H3-3A: variants seen among roughly 807,000 people sequenced by gnomAD.
The protein encoded by H3-3A is histone H3.3.
For missense variants in H3-3A, 7 were observed against 184.0 expected (o/e 0.04, Z 5.57); for synonymous variants, 49 against 61.4 (o/e 0.80, Z 0.95).
At chr1:226,065,603 C>A in intron 2 of H3-3A, 53 bp from the exon 3 acceptor site, 1 of 1,361,982 alleles carries the variant, frequency 7.3e-7, no homozygotes, top group South Asian at 1.5e-5. Flanking sequence ...GCCCACTTAC[C>A]TTTTTGTGCT....
chr1:226,062,273 G>A (rs1657733222), upstream of H3-3A, among the ~76,000 whole-genome samples: 1 of 150,022 alleles, frequency 6.7e-6, no homozygotes, highest in East Asian at 2.0e-4. Flanking sequence ...CCTCCCCGCC[G>A]CGGCCCGAGA....
chr1:226,066,039 A>G (rs185624405), intron 3 of H3-3A: 3 of 520,438 alleles, frequency 5.8e-6, no homozygotes, highest in Admixed American at 6.7e-5. Context: ...TGCACATTCC[A>G]TTATACCATT....
chr1:226,064,537 T>C, intron 2 of H3-3A, 58 bp downstream of exon 2: 1 of 1,425,008 alleles, frequency 7.0e-7, no homozygotes, highest in East Asian at 2.3e-5. Flanking sequence ...TCCACATAAT[T>C]TAACAAAAAG....
intron 3 of H3-3A, 75 bp from the exon 4 acceptor site, chr1:226,071,273 TTTG>T: frequency 8.3e-7 from 1 of 1,198,298 alleles, no homozygotes; most frequent in Non-Finnish European, 1.2e-6. Flanking sequence ...CAAAAACCTT[TTTG>T]TTTTAATTCG....
In H3-3A at chr1:226,064,186, A is replaced by G. The variant is rs1657843006; in HGVS notation, c.-23-143A>G. Reference sequence around the variant, plus strand: ...GAGATTTTGGGTAGACGTAATCTTCACCCTTTCAAATTATATAACAATACG... The same window carrying G: ...GAGATTTTGGGTAGACGTAATCTTCGCCCTTTCAAATTATATAACAATACG... On this transcript the variant is annotated intron_variant, in intron 1 of 3. Transcript: ENST00000366815. 6 of 598,156 alleles carry G rather than the reference A, an allele frequency of 1.0e-5. No homozygotes were observed. The South Asian group carries it at 1.4e-4, about 14-fold the overall frequency. 37.1% of individuals were successfully genotyped at this position (598,156 alleles called of 1,614,324 possible).
Position 226,064,405 on chromosome 1 carries a change from G to A in H3-3A, c.54G>A (p.Arg18=), listed in dbSNP as rs2102735583. 1.2e-6 allele frequency: 2 copies of A among 1,611,484 alleles called. No individual in the cohort carries two copies. The change falls in exon 2 of 4, where the codon AGG becomes AGA. Residue 18 remains arginine (R), a synonymous_variant. Coordinates refer to ENST00000366815, the MANE Select transcript of H3-3A (RefSeq NM_002107.7). The stretch of plus-strand genomic sequence containing the variant: ...AATCGACCGGTGGTAAAGCACCCAG[G>A]AAGCAACTGGCTACAAAAGCCGCTC... The part of the protein sequence containing the change: ...ARKSTGGKAP[R]KQLATKAARK...
rs554527957 is a variant in H3-3A at position 226,065,311 on chromosome 1, G to A, written c.129-345G>A. Among the ~76,000 whole-genome samples the A allele has an allele frequency of 2.0e-5, 3 of 152,106 alleles. No individual in the cohort carries two copies. The South Asian group carries it at 6.2e-4, about 32-fold the overall frequency. On this transcript the variant is annotated intron_variant, in intron 2 of 3. Coordinates refer to ENST00000366815, the MANE Select transcript of H3-3A (RefSeq NM_002107.7). ...TTAAGATAATAGAGGGTGTAGGGAAGGAGAGTGGTGCTAAATTGAGGGGAG... is the reference window on the plus strand; with the variant it reads ...TTAAGATAATAGAGGGTGTAGGGAAAGAGAGTGGTGCTAAATTGAGGGGAG...
At chr1:226,063,506 G>C (rs1176067955) in intron 1 of H3-3A, among the ~76,000 whole-genome samples, 1 of 152,214 alleles carries the variant, frequency 6.6e-6, no homozygotes, top group African/African-American at 2.4e-5. Context: ...CTTTGGAACG[G>C]AATCGGATAC....
At chr1:226,066,793 G>A (rs1037198491) in intron 3 of H3-3A, 1 of 152,592 alleles carries the variant, frequency 6.6e-6, no homozygotes, top group African/African-American at 2.4e-5. Flanking sequence ...TTCCATTGGA[G>A]GATTTTCAAG....
chr1:226,066,847 A>AT (rs1350980300), intron 3 of H3-3A: 2 of 152,212 alleles, frequency 1.3e-5, no homozygotes, highest in African/African-American at 4.8e-5. Context: ...TATGAGAAAG[A>AT]TAGGATAGGT....
intron 3 of H3-3A, chr1:226,066,129 A>G (rs1657917069): frequency 2.2e-6 from 1 of 451,174 alleles, no homozygotes. Context: ...CAGGACATTA[A>G]GAAGAACTTG....
At chr1:226,064,294 G>A in intron 1 of H3-3A, 35 bp from the exon 2 acceptor site, 1 of 1,519,848 alleles carries the variant, frequency 6.6e-7, no homozygotes, top group Non-Finnish European at 9.1e-7. Context: ...TTTGGTAGTT[G>A]CATATGGTGA....
At chr1:226,066,079 A>G (rs892099470) in intron 3 of H3-3A, 9 of 491,524 alleles carry the variant, frequency 1.8e-5, no homozygotes, top group Admixed American at 1.7e-4. Flanking sequence ...ACTAAAAACA[A>G]TATTTAAAGA....
chr1:226,065,293 A>AAT (rs1248572697), intron 2 of H3-3A, among the ~76,000 whole-genome samples: 1 of 152,192 alleles, frequency 6.6e-6, no homozygotes, highest in South Asian at 2.1e-4. Context: ...CTCTTAAGAT[A>AAT]ATAGAGGGTG....
At position 226,070,352 on chromosome 1, in the gene H3-3A, G is replaced by T. The variant is rs192330336; in HGVS notation, c.283-999G>T. On this transcript the variant is annotated intron_variant, in intron 3 of 3. Transcript: ENST00000366815. ...TCAGGCGTGGTGGTGGGCGCCTGTA[G>T]CCCGAGCTACTCGGGAGGCTGAGGC... 1.1e-3 allele frequency among the ~76,000 whole-genome samples: 171 copies of T among 151,986 alleles called. 3 individuals carry two copies. The East Asian group carries it at 0.032, about 28-fold the overall frequency.
At chr1:226,069,072 A>G (rs1658014080) in intron 3 of H3-3A, among the ~76,000 whole-genome samples, 1 of 147,666 alleles carries the variant, frequency 6.8e-6, no homozygotes. Flanking sequence ...TTTTGAGACG[A>G]GTCACACTCT....
At chr1:226,066,910 C>T (rs1196923456) in intron 3 of H3-3A, 1 of 152,174 alleles carries the variant, frequency 6.6e-6, no homozygotes, top group East Asian at 1.9e-4. Context: ...TTAATCTAAA[C>T]TTCATTTGAT....
At chr1:226,066,834 A>T (rs186461649) in intron 3 of H3-3A, 1 of 152,388 alleles carries the variant, frequency 6.6e-6, no homozygotes, top group East Asian at 1.9e-4. Flanking sequence ...CTTTTGCTTT[A>T]TGTATGAGAA....
At chr1:226,065,071 C>T (rs1436685723) in intron 2 of H3-3A, among the ~76,000 whole-genome samples, 1 of 152,120 alleles carries the variant, frequency 6.6e-6, no homozygotes, top group Non-Finnish European at 1.5e-5. Context: ...AGAAATAAGT[C>T]AGAATGAGAG....
Sources: gnomAD v4.1 joint callset for allele counts (sites outside exome capture counted in the v4.1 genomes callset) on GRCh38, gnomAD v4.1.1 for gene constraint, MANE v1.5 for transcripts, NCBI Gene and HGNC (gene_info 2026-07-23, HGNC 2026-07-21) for gene names.